The following RICTOR variants were observed in gnomAD, a reference collection of about 807,000 sequenced individuals.
RICTOR encodes rapamycin-insensitive companion of mTOR.
In RICTOR, 49 loss-of-function variants were observed where a neutral mutation model predicts 214.9. The observed-to-expected ratio is 0.23, with a 90% CI of 0.18 to 0.29. The LOEUF (loss-of-function observed/expected upper bound fraction) is 0.29, where lower values mean the gene tolerates loss of function less well. Among genes scored for constraint, RICTOR ranks in the 10% least tolerant of loss-of-function variants. The probability of loss-of-function intolerance (pLI) is 1.00; values close to 1 mark genes in which losing one functional copy is unlikely to be tolerated. For synonymous variants in RICTOR, 717 were observed against 711.3 expected, an observed-to-expected ratio of 1.01 and a Z score of -0.13; for missense variants, 1,625 against 2,047.0, an observed-to-expected ratio of 0.79 and a Z score of 3.98.
Position 39,002,676 on chromosome 5 carries a change from A to G in RICTOR, c.261-10T>C, listed in dbSNP as rs758674953. ...TAAAGCTAACCGCAAACTGTATGAA[A>G]ACAAACAAAATACAAGTTTTGCTGC... On this transcript the variant is annotated splice_polypyrimidine_tract_variant and intron_variant, in intron 4 of 37. Coordinates refer to ENST00000357387, the MANE Select transcript of RICTOR (RefSeq NM_152756.5). 4 of 1,589,836 alleles carry G rather than the reference A, an allele frequency of 2.5e-6. No homozygotes were observed. The highest frequency in any genetic ancestry group is 3.4e-6 in the Non-Finnish European group (4 of 1,172,076).
chr5:39,039,318 A>G (rs1756990509), intron 2 of RICTOR, among the ~76,000 whole-genome samples: 1 of 152,158 alleles, frequency 6.6e-6, no homozygotes. Context: ...AATTAATTCA[A>G]CATGGATTAA....
chr5:38,972,192 T>C lies in RICTOR; in HGVS notation c.890-233A>G, dbSNP rs1480264771. Among the ~76,000 whole-genome samples the C allele has an allele frequency of 2.6e-5, 4 of 152,344 alleles. No individual in the cohort carries two copies. The East Asian group carries it at 7.7e-4, about 29-fold the overall frequency. Reference sequence around the variant, plus strand: ...CGTCATTTAAATTCCATCTTCAGTATCTGTTTAATACCCAGAAAGTTCATG... The same window carrying C: ...CGTCATTTAAATTCCATCTTCAGTACCTGTTTAATACCCAGAAAGTTCATG... On this transcript the variant is annotated intron_variant, in intron 10 of 37. Coordinates refer to ENST00000357387, the MANE Select transcript of RICTOR (RefSeq NM_152756.5).
Position 39,033,263 on chromosome 5 carries a change from T to TC in RICTOR, c.98-12128_98-12127insG, listed in dbSNP as rs879639876. Among the ~76,000 whole-genome samples, 57 of 151,918 alleles carry TC rather than the reference T, an allele frequency of 3.8e-4. 1 individual carries two copies. The highest frequency in any genetic ancestry group is 6.2e-4 in the Non-Finnish European group (42 of 67,920). On this transcript the variant is annotated intron_variant, in intron 2 of 37. Transcript: ENST00000357387. ...CTTCTTGTACCAGTGTCCTACTCTTTTTTTTTTTTGGGAACAGACTCTTGC... is the reference window on the plus strand; with the variant it reads ...CTTCTTGTACCAGTGTCCTACTCTTTCTTTTTTTTTGGGAACAGACTCTTGC...
intron 11 of RICTOR, chr5:38,971,373 A>ATTTTTTTTTTT (rs1561477192): frequency 9.9e-6 from 1 of 100,714 alleles, no homozygotes; most frequent in African/African-American, 3.2e-5. Context: ...TAACAACAGC[A>ATTTTTTTTTTT]ATTTTTTTTT....
At chr5:38,961,531 A>G (rs1749795484) in intron 19 of RICTOR, among the ~76,000 whole-genome samples, 3 of 152,120 alleles carry the variant, frequency 2.0e-5, no homozygotes, top group Admixed American at 6.6e-5. Flanking sequence ...GTTCAGTTCA[A>G]TTTCATGCAC....
intron 7 of RICTOR, among the ~76,000 whole-genome samples, chr5:38,989,878 AG>A (rs551739761): frequency 7.2e-5 from 11 of 152,210 alleles, no homozygotes; most frequent in Admixed American, 7.2e-4. Context: ...GTGAAGAAAT[AG>A]GAACGCTTTC....
At chr5:39,067,805 C>T (rs1759011399) in intron 2 of RICTOR, among the ~76,000 whole-genome samples, 1 of 152,166 alleles carries the variant, frequency 6.6e-6, no homozygotes, top group Admixed American at 6.5e-5. Context: ...ATTTCATTGT[C>T]CCTTAGGACA....
intron 8 of RICTOR, chr5:38,980,938 A>G (rs75812802): frequency 1.3e-5 from 2 of 152,064 alleles, no homozygotes; most frequent in Non-Finnish European, 2.9e-5. Context: ...ACTTGATAAG[A>G]AAAAAAATTA....
chr5:38,978,222 C>T (rs1751401841), intron 9 of RICTOR, among the ~76,000 whole-genome samples: 1 of 152,120 alleles, frequency 6.6e-6, no homozygotes, highest in African/African-American at 2.4e-5. Flanking sequence ...CTACATATTA[C>T]ATCATTCTGC....
chr5:38,967,946 C>T lies in RICTOR; in HGVS notation c.1057G>A (p.Val353Ile), dbSNP rs963602661. Residue 353 changes from valine to isoleucine, a missense_variant, in exon 12 of 38, where the codon GTA (valine) becomes ATA (isoleucine). Transcript: ENST00000357387. ...ACAAATGTACTTCAATACTTACCTA[C>T]ACTGAGTAGTGCTTCTATGAACTCC... The part of the protein sequence containing the change: ...TEEFIEALLS[V>I]DPGRFQDSWR... 6 of 1,507,180 alleles carry T rather than the reference C, an allele frequency of 4.0e-6. No individual in the cohort carries two copies. The African/African-American group carries it at 4.1e-5, about 10-fold the overall frequency. 93.4% of individuals were successfully genotyped at this position (1,507,180 alleles called of 1,614,324 possible).
rs1408410930 is a variant in RICTOR at position 38,939,624 on chromosome 5, T to C, written c.*2680A>G. On this transcript the variant is annotated 3_prime_UTR_variant, in exon 38 of 38. Transcript: ENST00000357387. ...AAAAAGTTCAATTAGAAATAACAAT[T>C]CACTTTACGATTAGAAATTCATAGT... 4 of 231,402 alleles carry C rather than the reference T, an allele frequency of 1.7e-5. No homozygotes were observed. The highest frequency in any genetic ancestry group is 3.4e-5 in the Non-Finnish European group (4 of 117,062). The allele number at this position is 231,402 out of a possible 1,614,324, so 14.3% of individuals were successfully genotyped here.
At chr5:39,048,240 G>C (rs762814378) in intron 2 of RICTOR, among the ~76,000 whole-genome samples, 2 of 152,098 alleles carry the variant, frequency 1.3e-5, no homozygotes, top group Non-Finnish European at 2.9e-5. Context: ...TGGTCCAACT[G>C]TATATTTGTG....
intron 8 of RICTOR, among the ~76,000 whole-genome samples, chr5:38,979,726 G>C (rs2150057559): frequency 6.6e-6 from 1 of 152,274 alleles, no homozygotes; most frequent in African/African-American, 2.4e-5. Context: ...CATTCACAAG[G>C]TGCTGATTAT....
intron 2 of RICTOR, among the ~76,000 whole-genome samples, chr5:39,027,028 T>C (rs1363548029): frequency 6.6e-6 from 1 of 151,922 alleles, no homozygotes; most frequent in Non-Finnish European, 1.5e-5. Flanking sequence ...AAAAATAATG[T>C]ATTACTCTCA....
At chr5:39,000,259 C>T (rs1753512750) in intron 5 of RICTOR, among the ~76,000 whole-genome samples, 1 of 151,846 alleles carries the variant, frequency 6.6e-6, no homozygotes, top group Non-Finnish European at 1.5e-5. Context: ...ACATATCTTA[C>T]ATATATTTTC....
chr5:38,952,062 C>T, intron 30 of RICTOR, 134 bp downstream of exon 30: 4 of 607,908 alleles, frequency 6.6e-6, no homozygotes, highest in Non-Finnish European at 1.2e-5. Flanking sequence ...ACACATTCTC[C>T]AAGAGGCTAT....
chr5:38,996,776 A>T, intron 6 of RICTOR, 43 bp downstream of exon 6: 1 of 1,247,586 alleles, frequency 8.0e-7, no homozygotes, highest in Non-Finnish European at 1.2e-6. Flanking sequence ...ATATTAACAT[A>T]AAAACCATAA....
intron 2 of RICTOR, among the ~76,000 whole-genome samples, chr5:39,053,733 A>G (rs1336377640): frequency 1.3e-5 from 2 of 151,046 alleles, no homozygotes; most frequent in African/African-American, 4.9e-5. Context: ...TCTACTAAAA[A>G]TACAAAAAAT....
intron 2 of RICTOR, among the ~76,000 whole-genome samples, chr5:39,040,219 A>G (rs1411208077): frequency 7.3e-5 from 11 of 151,672 alleles, no homozygotes; most frequent in African/African-American, 2.7e-4. Context: ...TTGCAAGGAC[A>G]AAAAACCAAA....
Sources: allele counts gnomAD v4.1 joint callset (sites outside exome capture counted in the v4.1 genomes callset), GRCh38; gene constraint gnomAD v4.1.1; transcripts MANE v1.5; gene names NCBI Gene and HGNC (gene_info 2026-07-23, HGNC 2026-07-21).